The following NFIB variants were observed in gnomAD, a reference collection of about 807,000 sequenced individuals.
NFIB encodes nuclear factor 1 B-type.
A neutral mutation model predicts 61.5 loss-of-function variants in NFIB; 11 were observed. That is an observed-to-expected ratio of 0.18 (90% CI 0.11 to 0.30). NFIB has a LOEUF of 0.30. NFIB is among the 10% of genes least tolerant of loss of function. The pLI is 1.00. For missense variants in NFIB, 471 were observed against 608.9 expected, an observed-to-expected ratio of 0.77 and a Z score of 2.38; for synonymous variants, 260 against 216.5, an observed-to-expected ratio of 1.20 and a Z score of -1.76.
At chr9:14,113,177 A>C in intron 9 of NFIB, 96 bp from the exon 10 acceptor site, 1 of 1,026,236 alleles carries the variant, frequency 9.7e-7, no homozygotes. Context: ...TGGGATTTGC[A>C]ACCAAAAAAA....
the NFIB span, among the ~76,000 whole-genome samples, chr9:14,481,919 A>T: frequency 6.6e-6 from 1 of 151,874 alleles, no homozygotes; most frequent in Non-Finnish European, 1.5e-5. Context: ...CATTCCCTGC[A>T]TTGGCACCAT....
At chr9:14,234,985 C>T (rs2053601022) in intron 2 of NFIB, among the ~76,000 whole-genome samples, 1 of 151,994 alleles carries the variant, frequency 6.6e-6, no homozygotes, top group African/African-American at 2.4e-5. Context: ...ATCTTTTAGA[C>T]TTTTAAATCA....
intron 8 of NFIB, among the ~76,000 whole-genome samples, chr9:14,117,111 T>G (rs1024471790): frequency 1.4e-4 from 22 of 152,182 alleles, no homozygotes; most frequent in African/African-American, 5.3e-4. Flanking sequence ...TAAATTAAAC[T>G]GTACTGAGGG....
At chr9:14,289,287 T>C (rs1347821939) in intron 2 of NFIB, among the ~76,000 whole-genome samples, 1 of 151,080 alleles carries the variant, frequency 6.6e-6, no homozygotes, top group Non-Finnish European at 1.5e-5. Flanking sequence ...CATTAATATA[T>C]ATAATCAACA....
intron 1 of NFIB, among the ~76,000 whole-genome samples, chr9:14,311,679 G>A (rs2060286548): frequency 6.6e-6 from 1 of 152,094 alleles, no homozygotes; most frequent in Admixed American, 6.6e-5. Context: ...TAAAACTAGT[G>A]ACTTTTCAAT....
At chr9:14,515,006 T>A in the NFIB span, among the ~76,000 whole-genome samples, 1 of 152,182 alleles carries the variant, frequency 6.6e-6, no homozygotes, top group Admixed American at 6.5e-5. Flanking sequence ...TCTTAGCTAT[T>A]AGCTTTGAGT....
chr9:14,192,680 C>T (rs992065795), intron 2 of NFIB, among the ~76,000 whole-genome samples: 8 of 152,128 alleles, frequency 5.3e-5, no homozygotes, highest in African/African-American at 1.9e-4. Context: ...TTCTTGCTTC[C>T]ACTGAACAAG....
chr9:14,329,401 C>T (rs754351152), intron 1 of NFIB, among the ~76,000 whole-genome samples: 12 of 152,152 alleles, frequency 7.9e-5, no homozygotes, highest in African/African-American at 1.4e-4. Flanking sequence ...GATAGCCACT[C>T]ATCACCTTTT....
chr9:14,084,752 C>T lies in NFIB; in HGVS notation c.*3557G>A, dbSNP rs1411752683. ...GACCTGCAAAAGTGGGGCCCTTCGT[C>T]AGAATATACTTCCTGGTACACGAGG... is the stretch of plus-strand genomic sequence containing the variant. On this transcript the variant is annotated 3_prime_UTR_variant, in exon 11 of 11. Coordinates refer to ENST00000380953, the MANE Select transcript of NFIB (RefSeq NM_001190737.2). The T allele has an allele frequency of 8.7e-6, 2 of 229,412 alleles. No homozygotes were observed. Among genetic ancestry groups the T allele is most frequent in the Non-Finnish European group, 1.7e-5 (2 of 115,766 alleles). 14.2% of individuals were successfully genotyped at this position (229,412 alleles called of 1,614,324 possible). A position where few individuals can be genotyped will look rare whatever the true frequency, so the allele number is the denominator to read the frequency against.
the NFIB span, among the ~76,000 whole-genome samples, chr9:14,437,174 C>T: frequency 6.6e-6 from 1 of 152,198 alleles, no homozygotes; most frequent in Non-Finnish European, 1.5e-5. Flanking sequence ...ATTCTTTATG[C>T]CTCTGACATG....
chr9:14,173,064 G>C (rs372946883), intron 3 of NFIB, among the ~76,000 whole-genome samples: 6 of 152,146 alleles, frequency 3.9e-5, no homozygotes, highest in African/African-American at 1.2e-4. Flanking sequence ...ATTTCTATTT[G>C]ATTCCACATC....
At chr9:14,447,834 G>T in the NFIB span, among the ~76,000 whole-genome samples, 1 of 152,102 alleles carries the variant, frequency 6.6e-6, no homozygotes, top group African/African-American at 2.4e-5. Flanking sequence ...AATGATCCCA[G>T]TTCCTAGGCT....
chr9:14,269,520 T>A (rs2057446627), intron 2 of NFIB, among the ~76,000 whole-genome samples: 1 of 152,182 alleles, frequency 6.6e-6, no homozygotes, highest in African/African-American at 2.4e-5. Flanking sequence ...TATACATCTG[T>A]CAGGCTATTG....
chr9:14,289,147 T>A (rs925212199), intron 2 of NFIB, among the ~76,000 whole-genome samples: 18 of 146,172 alleles, frequency 1.2e-4, no homozygotes, highest in African/African-American at 4.5e-4. Context: ...TATACATATA[T>A]ATATATTTGG....
intron 4 of NFIB, among the ~76,000 whole-genome samples, chr9:14,153,421 C>G (rs2131189003): frequency 6.6e-6 from 1 of 152,130 alleles, no homozygotes; most frequent in African/African-American, 2.4e-5. Flanking sequence ...TCAGTGTTAG[C>G]GCCTCTCCCA....
chr9:14,476,116 A>G, the NFIB span, among the ~76,000 whole-genome samples: 2 of 152,198 alleles, frequency 1.3e-5, no homozygotes, highest in African/African-American at 2.4e-5. Flanking sequence ...TCAATAGTCT[A>G]TCTGTGAGAA....
Position 14,087,426 on chromosome 9 carries a change from A to G in NFIB, c.*883T>C. The G allele has an allele frequency of 4.7e-6, 1 of 212,882 alleles. No homozygotes were observed. The highest frequency in any genetic ancestry group is 7.0e-5 in the East Asian group (1 of 14,322). 13.2% of individuals were successfully genotyped at this position (212,882 alleles called of 1,614,324 possible). A position where few individuals can be genotyped will look rare whatever the true frequency, so the allele number is the denominator to read the frequency against. ...ATTCCCCTTTAGATATAAATTTATAAATTGCACTTGCCTCTGTTAAGTGTT... is the reference window on the plus strand; with the variant it reads ...ATTCCCCTTTAGATATAAATTTATAGATTGCACTTGCCTCTGTTAAGTGTT... On this transcript the variant is annotated 3_prime_UTR_variant, in exon 11 of 11. Transcript: ENST00000380953.
intron 10 of NFIB, among the ~76,000 whole-genome samples, chr9:14,100,396 G>A (rs548281241): frequency 4.3e-4 from 66 of 152,136 alleles, no homozygotes; most frequent in Admixed American, 1.5e-3. Flanking sequence ...CTTTCCATGG[G>A]CTATCAAGTT....
At chr9:14,285,626 G>A (rs1051798303) in intron 2 of NFIB, among the ~76,000 whole-genome samples, 3 of 152,150 alleles carry the variant, frequency 2.0e-5, no homozygotes, top group African/African-American at 7.2e-5. Context: ...TAACTAGCTT[G>A]CCCTCAGAGT....
Sources: gnomAD v4.1 joint callset for allele counts (sites outside exome capture counted in the v4.1 genomes callset) on GRCh38, gnomAD v4.1.1 for gene constraint, MANE v1.5 for transcripts, NCBI Gene and HGNC (gene_info 2026-07-23, HGNC 2026-07-21) for gene names.